FRMD8: variants seen among roughly 807,000 people sequenced by gnomAD.
FRMD8 encodes the protein FERM domain containing 8, also known as FERM domain-containing protein 8.
A neutral mutation model predicts 54.2 loss-of-function variants in FRMD8; 37 were observed. That is an observed-to-expected ratio of 0.68 (90% CI 0.53 to 0.90). The LOEUF is 0.90. Among genes scored for constraint, FRMD8 ranks in the 40% least tolerant of loss-of-function variants. FRMD8 has a pLI of 0.00. For missense variants in FRMD8, 585 were observed against 653.7 expected (o/e 0.89, Z 1.15); for synonymous variants, 246 against 286.9 (o/e 0.86, Z 1.44).
chr11:65,399,927 C>T, intron 8 of FRMD8, 68 bp downstream of exon 8: 1 of 1,548,268 alleles, frequency 6.5e-7, no homozygotes, highest in Non-Finnish European at 8.7e-7. Context: ...CTTCCTGGTT[C>T]CTCTGGGCCT....
At chr11:65,376,999 G>C in the FRMD8 span, 5 of 1,613,756 alleles carry the variant, frequency 3.1e-6, no homozygotes, top group Admixed American at 8.3e-5. Context: ...GGGGTGGGGG[G>C]CTCCCTGGCT....
intron 3 of FRMD8, among the ~76,000 whole-genome samples, 173 bp from the exon 4 acceptor site, chr11:65,393,400 C>T (rs531608140): frequency 3.3e-5 from 5 of 152,182 alleles, no homozygotes; most frequent in Non-Finnish European, 7.4e-5. Flanking sequence ...CTCATTTGCT[C>T]TATGGGTGAA....
upstream of FRMD8, chr11:65,383,312 T>G (rs1855661675): frequency 6.6e-6 from 1 of 152,304 alleles, no homozygotes; most frequent in South Asian, 2.1e-4. Context: ...AAACAGGACC[T>G]CCTACCTCCT....
At chr11:65,376,523 G>C in the FRMD8 span, 1 of 1,614,186 alleles carries the variant, frequency 6.2e-7, no homozygotes, top group Non-Finnish European at 8.5e-7. Flanking sequence ...CCTTCCTGCC[G>C]GATGCTGCTC....
chr11:65,380,054 C>G, the FRMD8 span: 2 of 1,580,136 alleles, frequency 1.3e-6, no homozygotes, highest in African/African-American at 2.7e-5. Context: ...GCAAGATTAG[C>G]CAGGCCTGAT....
At chr11:65,376,720 G>C in the FRMD8 span, 5 of 1,613,746 alleles carry the variant, frequency 3.1e-6, no homozygotes, top group Non-Finnish European at 4.2e-6. Flanking sequence ...CCAGAACAGA[G>C]CATCCTCCCC....
the FRMD8 span, chr11:65,380,174 G>A: frequency 7.4e-6 from 12 of 1,614,168 alleles, no homozygotes; most frequent in East Asian, 2.2e-5. Context: ...AGCCCAGAGC[G>A]CCTGTGGTGA....
the FRMD8 span, chr11:65,379,529 G>T: frequency 6.2e-7 from 1 of 1,612,396 alleles, no homozygotes; most frequent in Non-Finnish European, 8.5e-7. Context: ...TGCTGGCAAT[G>T]GGGAAGCTCA....
chr11:65,387,237 A>G, intron 2 of FRMD8, 116 bp downstream of exon 2: 1 of 895,952 alleles, frequency 1.1e-6, no homozygotes, highest in South Asian at 1.3e-5. Context: ...CTAAGAAATA[A>G]TAAGGTACAT....
At chr11:65,408,814 T>G (rs1387611737) in intron 10 of FRMD8, among the ~76,000 whole-genome samples, 1 of 152,064 alleles carries the variant, frequency 6.6e-6, no homozygotes, top group Non-Finnish European at 1.5e-5. Flanking sequence ...CTCACTATGT[T>G]GCCCAGGCTG....
In FRMD8 at chr11:65,406,011, A is replaced by AT. The variant is rs953734545; in HGVS notation, c.1276+951dup. ...CAACGATGAGACCCTATATATATAT[A>AT]TTTTTTTTAATTAATTAATTAGTTA... On this transcript the variant is annotated intron_variant, in intron 10 of 10. Transcript: ENST00000317568. 1.8e-3 allele frequency among the ~76,000 whole-genome samples: 276 copies of AT among 150,320 alleles called. 3 individuals are homozygous for AT. Among genetic ancestry groups the AT allele is most frequent in the African/African-American group, 6.1e-3 (247 of 40,580 alleles).
chr11:65,385,517 C>A (rs1049975083), upstream of FRMD8, among the ~76,000 whole-genome samples: 1 of 152,242 alleles, frequency 6.6e-6, no homozygotes, highest in African/African-American at 2.4e-5. Context: ...CTTGGGACAA[C>A]TTCTGGTTCC....
At chr11:65,409,386 C>T (rs149133233) in intron 10 of FRMD8, among the ~76,000 whole-genome samples, 59 of 152,282 alleles carry the variant, frequency 3.9e-4, no homozygotes, top group African/African-American at 1.1e-3. Flanking sequence ...CGTGCCCGGC[C>T]GATTGCAAAT....
chr11:65,405,314 A>C (rs1856172622), intron 10 of FRMD8, among the ~76,000 whole-genome samples: 1 of 152,184 alleles, frequency 6.6e-6, no homozygotes, highest in Admixed American at 6.5e-5. Flanking sequence ...GAAACGACTC[A>C]ACATCTGTTA....
At chr11:65,393,424 T>G in intron 3 of FRMD8, 149 bp from the exon 4 acceptor site, 5 of 595,166 alleles carry the variant, frequency 8.4e-6, no homozygotes, top group Admixed American at 2.6e-5. Context: ...GGGGATAGGG[T>G]TATTGCAGAG....
the FRMD8 span, chr11:65,375,542 A>G: frequency 2.0e-5 from 3 of 152,474 alleles, no homozygotes; most frequent in Non-Finnish European, 4.4e-5. Flanking sequence ...TGAGAGCACA[A>G]CTTGTTCAGG....
intron 6 of FRMD8, among the ~76,000 whole-genome samples, chr11:65,396,375 C>T (rs1171333091): frequency 1.3e-5 from 2 of 152,198 alleles, no homozygotes; most frequent in Non-Finnish European, 2.9e-5. Flanking sequence ...GACCCCGGGT[C>T]AGACGGGCAG....
the FRMD8 span, among the ~76,000 whole-genome samples, chr11:65,372,572 A>G: frequency 6.6e-6 from 1 of 152,144 alleles, no homozygotes; most frequent in Non-Finnish European, 1.5e-5. Flanking sequence ...CTAAAGCCAA[A>G]AAAAATAGAT....
In FRMD8 at chr11:65,387,064, C is replaced by T; in HGVS notation, c.28C>T (p.Gln10Ter). ...GGACGGGACAGAAGGCAGTGCCGGG[C>T]AGCCCGGCCCCGCTGAGCGATCCCA... The part of the protein sequence containing the change: MDGTEGSAG[Q>*]PGPAERSHRS... The change falls in exon 2 of 11, where the codon CAG becomes TAG. Residue 10 changes from glutamine (Q) to a stop codon, truncating the protein, a stop_gained. Coordinates refer to ENST00000317568, the MANE Select transcript of FRMD8 (RefSeq NM_031904.5). LOFTEE classifies it high-confidence loss of function. The T allele has an allele frequency of 6.2e-7, 1 of 1,609,218 alleles. No individual in the cohort carries two copies. The highest frequency in any genetic ancestry group is 8.5e-7 in the Non-Finnish European group (1 of 1,179,996).
Sources: allele counts gnomAD v4.1 joint callset (sites outside exome capture counted in the v4.1 genomes callset), GRCh38; gene constraint gnomAD v4.1.1; transcripts MANE v1.5; gene names NCBI Gene and HGNC (gene_info 2026-07-23, HGNC 2026-07-21).